ZNF675: variants seen among roughly 807,000 people sequenced by gnomAD.
ZNF675 encodes zinc finger protein 675.
In ZNF675, 36 loss-of-function variants were observed where a neutral mutation model predicts 56.1. The ratio of observed to expected loss-of-function variants is 0.64; its 90% confidence interval spans 0.49 to 0.85. The LOEUF (loss-of-function observed/expected upper bound fraction) is 0.85. Among genes scored for constraint, ZNF675 ranks in the 40% least tolerant of loss-of-function variants. The pLI is 0.00. For missense variants in ZNF675, 663 were observed against 654.2 expected (o/e 1.01, Z -0.15); for synonymous variants, 200 against 218.9 (o/e 0.91, Z 0.76).
At chr19:23,684,145 C>T (rs1968412964) in intron 1 of ZNF675, among the ~76,000 whole-genome samples, 1 of 151,554 alleles carries the variant, frequency 6.6e-6, no homozygotes, top group African/African-American at 2.4e-5. Flanking sequence ...ACCTGTAATC[C>T]CAGCTACTCG....
intron 3 of ZNF675, 81 bp downstream of exon 3, chr19:23,662,033 C>T: frequency 9.6e-7 from 1 of 1,038,444 alleles, no homozygotes; most frequent in Non-Finnish European, 1.5e-6. Context: ...TCCCAAATCA[C>T]ATTTTAAGGA....
chr19:23,654,555 C>CT lies in ZNF675; in HGVS notation c.377dup (p.Gly128ArgfsTer3). The CT allele has an allele frequency of 6.2e-7, 1 of 1,611,990 alleles. No individual in the cohort carries two copies. The highest frequency in any genetic ancestry group is 8.5e-7 in the Non-Finnish European group (1 of 1,179,026). The stretch of plus-strand genomic sequence containing the variant: ...ATTGGTTAAGTCCATTATAACCTCC[C>CT]TTGTGCAACTTACATTCATCCACAC... On this transcript the variant is annotated frameshift_variant, in exon 4 of 4. Transcript: ENST00000359788. LOFTEE classifies it high-confidence loss of function.
intron 1 of ZNF675, among the ~76,000 whole-genome samples, chr19:23,680,780 A>T (rs1279061014): frequency 6.6e-6 from 1 of 151,638 alleles, no homozygotes. Context: ...AATAATAATA[A>T]TAAGAGCTAA....
At chr19:23,666,576 C>T (rs1381475574) in intron 1 of ZNF675, among the ~76,000 whole-genome samples, 2 of 152,106 alleles carry the variant, frequency 1.3e-5, no homozygotes, top group Non-Finnish European at 1.5e-5. Context: ...CGTTTTGTTC[C>T]TTTGTTGCTT....
chr19:23,660,932 C>CTT (rs56888844), intron 3 of ZNF675, among the ~76,000 whole-genome samples: 4 of 119,782 alleles, frequency 3.3e-5, no homozygotes, highest in African/African-American at 6.0e-5. Context: ...TTGTAATTTT[C>CTT]TTTTTTTTTT....
intron 1 of ZNF675, 60 bp downstream of exon 1, chr19:23,686,971 T>C: frequency 1.2e-6 from 2 of 1,608,918 alleles, no homozygotes; most frequent in Non-Finnish European, 1.7e-6. Flanking sequence ...CCATAGCCAT[T>C]TCCCACGGGT....
chr19:23,657,866 T>C (rs938656809), intron 3 of ZNF675, among the ~76,000 whole-genome samples: 3 of 152,002 alleles, frequency 2.0e-5, no homozygotes, highest in Non-Finnish European at 1.5e-5. Flanking sequence ...GTAATCTGAT[T>C]GGGATAGATA....
intron 1 of ZNF675, among the ~76,000 whole-genome samples, chr19:23,667,206 G>A (rs570649067): frequency 4.6e-5 from 7 of 152,176 alleles, no homozygotes; most frequent in Admixed American, 2.6e-4. Context: ...TGTTCCTCCC[G>A]GTGGGCTCGT....
chr19:23,666,059 A>G (rs4932720), intron 1 of ZNF675, among the ~76,000 whole-genome samples: 147,762 of 152,324 alleles, frequency 0.97, 71,827 homozygotes, highest in Middle Eastern at 1. Context: ...TAATGAGGCA[A>G]GAGAATAGGG....
At chr19:23,676,423 A>G (rs1011104169) in intron 1 of ZNF675, among the ~76,000 whole-genome samples, 27 of 151,614 alleles carry the variant, frequency 1.8e-4, no homozygotes, top group African/African-American at 5.9e-4. Context: ...CTTCAGGCCA[A>G]TATTTTTAAT....
intron 1 of ZNF675, among the ~76,000 whole-genome samples, chr19:23,667,052 G>A (rs182502253): frequency 1.8e-3 from 275 of 152,174 alleles, no homozygotes; most frequent in Non-Finnish European, 3.2e-3. Context: ...AAGGTGGCGC[G>A]TCTGGAGTTT....
At chr19:23,660,559 C>T (rs976199736) in intron 3 of ZNF675, among the ~76,000 whole-genome samples, 1 of 152,100 alleles carries the variant, frequency 6.6e-6, no homozygotes. Flanking sequence ...GTTCCATAAA[C>T]TTAAACTCTC....
At chr19:23,684,786 A>G (rs1365830175) in intron 1 of ZNF675, among the ~76,000 whole-genome samples, 3 of 152,274 alleles carry the variant, frequency 2.0e-5, no homozygotes, top group East Asian at 1.9e-4. Flanking sequence ...GACTGCCCCA[A>G]GTGCATTTTA....
In ZNF675 at chr19:23,653,903, CTT is replaced by C; in HGVS notation, c.1028_1029del (p.Glu343GlyfsTer7). The C allele has an allele frequency of 6.2e-7, 1 of 1,613,344 alleles. No individual in the cohort carries two copies. The highest frequency in any genetic ancestry group is 8.5e-7 in the Non-Finnish European group (1 of 1,179,508). ...GATCGGTTAAAAGCTTTTCCACATTCTTCACATTTGTAGGGTTTTTCTCCAGT... is the reference window on the plus strand; with the variant it reads ...GATCGGTTAAAAGCTTTTCCACATTCCACATTTGTAGGGTTTTTCTCCAGT... ...IHTGEKPYKC[E>X]ECGKAFNRSS... On this transcript the variant is annotated frameshift_variant, in exon 4 of 4. Transcript: ENST00000359788. LOFTEE classifies it high-confidence loss of function.
chr19:23,676,752 C>A (rs185828194), intron 1 of ZNF675, among the ~76,000 whole-genome samples: 30 of 151,852 alleles, frequency 2.0e-4, no homozygotes, highest in African/African-American at 6.8e-4. Flanking sequence ...TGAATAGATA[C>A]AAGTTGCAAA....
intron 1 of ZNF675, among the ~76,000 whole-genome samples, chr19:23,681,162 G>A (rs1968371294): frequency 6.6e-6 from 1 of 151,760 alleles, no homozygotes; most frequent in Admixed American, 6.6e-5. Flanking sequence ...CTAGGATGGT[G>A]GAGAAAACAG....
chr19:23,677,834 A>G (rs1365635938), intron 1 of ZNF675, among the ~76,000 whole-genome samples: 1 of 150,278 alleles, frequency 6.7e-6, no homozygotes, highest in African/African-American at 2.5e-5. Flanking sequence ...AAGAAGTCAG[A>G]GATGGCCGGC....
intron 3 of ZNF675, among the ~76,000 whole-genome samples, chr19:23,659,193 G>T (rs1306684474): frequency 6.6e-6 from 1 of 151,914 alleles, no homozygotes; most frequent in Non-Finnish European, 1.5e-5. Flanking sequence ...TAAATATGGA[G>T]TGCCTACAAA....
intron 1 of ZNF675, among the ~76,000 whole-genome samples, chr19:23,668,651 T>G (rs1734171253): frequency 6.6e-6 from 1 of 152,202 alleles, no homozygotes. Context: ...CATGGCAGAC[T>G]GCAGTCCCGA....
Sources: gnomAD v4.1 joint callset for allele counts (sites outside exome capture counted in the v4.1 genomes callset) on GRCh38, gnomAD v4.1.1 for gene constraint, MANE v1.5 for transcripts, NCBI Gene and HGNC (gene_info 2026-07-23, HGNC 2026-07-21) for gene names.